ONECUT2: variants seen among roughly 807,000 people sequenced by gnomAD.
ONECUT2 encodes one cut homeobox 2.
In ONECUT2, 10 loss-of-function variants were observed where a neutral mutation model predicts 27.9. That is an observed-to-expected ratio of 0.36 (90% CI 0.22 to 0.61). The LOEUF (loss-of-function observed/expected upper bound fraction) is 0.61, where lower values mean the gene tolerates loss of function less well. ONECUT2 is among the 20% of genes least tolerant of loss of function. The pLI, the probability that ONECUT2 is intolerant of heterozygous loss-of-function variation, is 0.73. For synonymous variants in ONECUT2, 334 were observed against 315.1 expected, an observed-to-expected ratio of 1.06 and a Z score of -0.64; for missense variants, 686 against 721.0, an observed-to-expected ratio of 0.95 and a Z score of 0.56.
intron 1 of ONECUT2, among the ~76,000 whole-genome samples, chr18:57,471,718 G>A (rs504569): frequency 0.63 from 95,250 of 152,126 alleles, 32,299 homozygotes; most frequent in Middle Eastern, 0.8. Flanking sequence ...TGGGCCACAG[G>A]ACACAACCAG....
At position 57,436,027 on chromosome 18, in the gene ONECUT2, C is replaced by T. The variant is rs1256075772; in HGVS notation, c.311C>T (p.Ser104Leu). The change falls in exon 1 of 2, where the codon TCG becomes TTG. Residue 104 changes from serine (S) to leucine (L), a missense_variant. Transcript: ENST00000491143. This position sits in a 1 kb window ranked among gnomAD's most constrained non-coding sequence, Gnocchi z 5.9. ...AAAAAAAASRSAMVTSMASIL... is the reference protein window; with the variant it reads ...AAAAAAAASRLAMVTSMASIL... ...GCGGCGGCAGCGGCGGCGTCGCGCT[C>T]GGCCATGGTCACCAGCATGGCCTCG... 5 of 1,556,696 alleles carry T rather than the reference C, an allele frequency of 3.2e-6. No homozygotes were observed. The highest frequency in any genetic ancestry group is 4.3e-6 in the Non-Finnish European group (5 of 1,156,832).
Position 57,435,824 on chromosome 18 carries a change from C to A in ONECUT2, c.108C>A (p.Ala36=). ...GTCTGGGCACTTTGCACGGGCCGGC[C>A]GGCGGCGGCAGTGGCGGGGGCGGCG... is the stretch of plus-strand genomic sequence containing the variant. ...MESLGTLHGP[A]GGGSGGGGGG... is the part of the protein sequence containing the mutation. The change falls in exon 1 of 2, where the codon GCC becomes GCA. Residue 36 remains alanine, a synonymous_variant. Transcript: ENST00000491143. The A allele has an allele frequency of 9.1e-7, 1 of 1,104,396 alleles. No homozygotes were observed. The highest frequency in any genetic ancestry group is 3.6e-5 in the Admixed American group (1 of 27,704). 68.4% of individuals were successfully genotyped at this position (1,104,396 alleles called of 1,614,324 possible).
intron 1 of ONECUT2, among the ~76,000 whole-genome samples, chr18:57,437,580 C>T (rs1598927761): frequency 6.6e-6 from 1 of 152,178 alleles, no homozygotes; most frequent in East Asian, 1.9e-4. Context: ...CCATCTCTGG[C>T]CTTGGCGTTG....
chr18:57,467,800 C>T (rs531177399), intron 1 of ONECUT2, among the ~76,000 whole-genome samples: 79 of 152,216 alleles, frequency 5.2e-4, no homozygotes, highest in Non-Finnish European at 1.0e-3. Flanking sequence ...CAAGCCTTCC[C>T]GGACTCCGGG....
At position 57,491,012 on chromosome 18, in the gene ONECUT2, TC is replaced by T. The variant is rs1390838085; in HGVS notation, c.*14291del. ...TAAGTCAGACTGTGCTGAAAGACTT[TC>T]CAGGGACGGTCAACAGGGTATATGT... On this transcript the variant is annotated 3_prime_UTR_variant, in exon 2 of 2. Transcript: ENST00000491143. The T allele has an allele frequency of 6.5e-6, 1 of 152,680 alleles. No individual in the cohort carries two copies. The highest frequency in any genetic ancestry group is 2.4e-5 in the African/African-American group (1 of 41,462). 9.5% of individuals were successfully genotyped at this position (152,680 alleles called of 1,614,324 possible).
intron 1 of ONECUT2, chr18:57,467,182 A>G (rs756474293): frequency 1.3e-5 from 6 of 456,470 alleles, no homozygotes; most frequent in Non-Finnish European, 2.6e-5. Flanking sequence ...AAGCTTGGGA[A>G]CACAGAATGG....
intron 1 of ONECUT2, among the ~76,000 whole-genome samples, chr18:57,441,718 C>T (rs944451221): frequency 6.6e-6 from 1 of 152,282 alleles, no homozygotes; most frequent in Non-Finnish European, 1.5e-5. Flanking sequence ...CTGCTAACGG[C>T]AGAGCTTAAT....
At chr18:57,439,846 TTC>T (rs1359053310) in intron 1 of ONECUT2, among the ~76,000 whole-genome samples, 3 of 152,174 alleles carry the variant, frequency 2.0e-5, no homozygotes, top group African/African-American at 4.8e-5. Context: ...TAGGTTCCCT[TTC>T]TCTCTCATTT....
Position 57,477,313 on chromosome 18 carries a change from A to C in ONECUT2, c.*590A>C, listed in dbSNP as rs531707027. ...TACTGAGCACAAGTTTTAAATATGG[A>C]CGTTAAAAAAAAAAATCCAAGGACC... On this transcript the variant is annotated 3_prime_UTR_variant, in exon 2 of 2. Coordinates refer to ENST00000491143, the MANE Select transcript of ONECUT2 (RefSeq NM_004852.3). 1 of 143,270 alleles carries C rather than the reference A, an allele frequency of 7.0e-6. No individual in the cohort carries two copies. The highest frequency in any genetic ancestry group is 1.5e-5 in the Non-Finnish European group (1 of 65,254). 8.9% of individuals were successfully genotyped at this position (143,270 alleles called of 1,614,324 possible).
At chr18:57,443,654 A>G (rs1480085023) in intron 1 of ONECUT2, among the ~76,000 whole-genome samples, 4 of 152,284 alleles carry the variant, frequency 2.6e-5, no homozygotes, top group Admixed American at 6.5e-5. Context: ...CAGGTGGGGA[A>G]AAGGTAGGGA....
Position 57,436,169 on chromosome 18 carries a change from G to A in ONECUT2, c.453G>A (p.Leu151=). 2 of 1,606,592 alleles carry A rather than the reference G, an allele frequency of 1.2e-6. No individual in the cohort carries two copies. Among genetic ancestry groups the A allele is most frequent in the African/African-American group, 2.7e-5 (2 of 75,002 alleles). The change falls in exon 1 of 2, where the codon CTG becomes CTA. Residue 151 remains leucine (L), a synonymous_variant. Transcript: ENST00000491143. This position sits in a 1 kb window ranked among gnomAD's most constrained non-coding sequence, Gnocchi z 5.9. ...GMGMSNTYTT[L]TPLQPLPPIS... ...GCATGAGCAACACCTACACCACGCT[G>A]ACACCGCTCCAGCCGCTGCCACCCA...
rs1019859510 is a variant in ONECUT2, at chr18:57,482,174, T to C, written c.*5451T>C. ...TTGTATAAGTCTCATAAGATAATGA[T>C]GTTGATTTTAAATATGGATGTCTCA... is the stretch of plus-strand genomic sequence containing the variant. On this transcript the variant is annotated 3_prime_UTR_variant, in exon 2 of 2. Transcript: ENST00000491143. 7.9e-5 allele frequency: 12 copies of C among 152,210 alleles called. No homozygotes were observed. Among genetic ancestry groups the C allele is most frequent in the African/African-American group, 2.9e-4 (12 of 41,444 alleles). 9.4% of individuals were successfully genotyped at this position (152,210 alleles called of 1,614,324 possible).
intron 1 of ONECUT2, among the ~76,000 whole-genome samples, chr18:57,450,037 C>G (rs1473917016): frequency 6.6e-6 from 1 of 152,132 alleles, no homozygotes; most frequent in Non-Finnish European, 1.5e-5. Flanking sequence ...ACCAGGTATT[C>G]TTTTTTGAGT....
Position 57,489,232 on chromosome 18 carries a change from A to G in ONECUT2, c.*12509A>G, listed in dbSNP as rs1169319732. On this transcript the variant is annotated 3_prime_UTR_variant, in exon 2 of 2. Transcript: ENST00000491143. The stretch of plus-strand genomic sequence containing the variant: ...TGCATCCTGTTTAGCTATCCCATCT[A>G]TACCTTTTGGAGATGATTATTTAGA... 3 of 152,162 alleles carry G rather than the reference A, an allele frequency of 2.0e-5. No individual in the cohort carries two copies. Among genetic ancestry groups the G allele is most frequent in the South Asian group, 4.1e-4 (2 of 4,834 alleles). The allele number at this position is 152,162 out of a possible 1,614,324, so 9.4% of individuals were successfully genotyped here.
At chr18:57,468,827 T>G (rs1420356486) in intron 1 of ONECUT2, among the ~76,000 whole-genome samples, 1 of 152,244 alleles carries the variant, frequency 6.6e-6, no homozygotes, top group African/African-American at 2.4e-5. Flanking sequence ...TTATTCTATT[T>G]TCTTTCTTCC....
chr18:57,466,317 G>A (rs967719132), intron 1 of ONECUT2, among the ~76,000 whole-genome samples: 2 of 152,260 alleles, frequency 1.3e-5, no homozygotes, highest in East Asian at 3.9e-4. Flanking sequence ...TTGGCCTTGT[G>A]TTTAGGTAAA....
intron 1 of ONECUT2, among the ~76,000 whole-genome samples, chr18:57,469,619 G>C (rs1304959990): frequency 1.3e-5 from 2 of 152,198 alleles, no homozygotes; most frequent in Non-Finnish European, 2.9e-5. Context: ...TTGGCTATGA[G>C]ACAACCTCAC....
intron 1 of ONECUT2, among the ~76,000 whole-genome samples, chr18:57,443,963 T>G (rs182432215): frequency 2.4e-4 from 36 of 152,362 alleles, no homozygotes; most frequent in African/African-American, 8.4e-4. Context: ...CATTGGACTT[T>G]GGCTCTTGTA....
rs752245769 is a variant in ONECUT2 at position 57,481,873 on chromosome 18, G to A, written c.*5150G>A. The A allele has an allele frequency of 2.8e-4, 42 of 152,176 alleles. No homozygotes were observed. Among genetic ancestry groups the A allele is most frequent in the Non-Finnish European group, 1.0e-4 (7 of 68,026 alleles). The allele number at this position is 152,176 out of a possible 1,614,324, so 9.4% of individuals were successfully genotyped here. A position where few individuals can be genotyped will look rare whatever the true frequency, so the allele number is the denominator to read the frequency against. On this transcript the variant is annotated 3_prime_UTR_variant, in exon 2 of 2. Coordinates refer to ENST00000491143, the MANE Select transcript of ONECUT2 (RefSeq NM_004852.3). ...ACCTTGGCGATAATCTTCTAGATTC[G>A]TAACAGGTTAGAGCTGACTTTTTGT...
Sources: allele counts gnomAD v4.1 joint callset (sites outside exome capture counted in the v4.1 genomes callset), GRCh38; gene constraint gnomAD v4.1.1; non-coding constraint Gnocchi (gnomAD v3.1); transcripts MANE v1.5; gene names NCBI Gene and HGNC (gene_info 2026-07-23, HGNC 2026-07-21).